Variants in PARP8 observed in about 807,000 individuals in gnomAD.
PARP8 encodes poly(ADP-ribose) polymerase family member 8.
In PARP8, 51 loss-of-function variants were observed where a neutral mutation model predicts 124.1. The ratio of observed to expected loss-of-function variants is 0.41; its 90% confidence interval spans 0.33 to 0.52. PARP8 has a LOEUF of 0.52. PARP8 is among the 20% of genes least tolerant of loss of function. PARP8 has a pLI of 0.21. For missense variants in PARP8, 860 were observed against 1,018.9 expected, an observed-to-expected ratio of 0.84 and a Z score of 2.12; for synonymous variants, 391 against 361.5, an observed-to-expected ratio of 1.08 and a Z score of -0.93.
chr5:50,713,053 A>T (rs565808596), intron 2 of PARP8, among the ~76,000 whole-genome samples: 1 of 152,200 alleles, frequency 6.6e-6, no homozygotes, highest in East Asian at 1.9e-4. Context: ...AAAACCACTC[A>T]TGTCAGATAT....
Position 50,666,990 on chromosome 5 carries a change from G to A in PARP8, c.-106G>A, listed in dbSNP as rs1426638963. On this transcript the variant is annotated 5_prime_UTR_variant, in exon 1 of 26. Coordinates refer to ENST00000281631, the MANE Select transcript of PARP8 (RefSeq NM_024615.4). Reference sequence around the variant, plus strand: ...CCACTTCGCCTTCAGCCCCTGCCTCGGCCAGAGGTTTCATTTTTAACTGAA... The same window carrying A: ...CCACTTCGCCTTCAGCCCCTGCCTCAGCCAGAGGTTTCATTTTTAACTGAA... 3 of 1,428,290 alleles carry A rather than the reference G, an allele frequency of 2.1e-6. No individual in the cohort carries two copies. Among genetic ancestry groups the A allele is most frequent in the Non-Finnish European group, 2.8e-6 (3 of 1,076,464 alleles). 88.5% of individuals were successfully genotyped at this position (1,428,290 alleles called of 1,614,324 possible). A position where few individuals can be genotyped will look rare whatever the true frequency, so the allele number is the denominator to read the frequency against.
At chr5:50,806,182 C>T (rs1328782877) in intron 14 of PARP8, among the ~76,000 whole-genome samples, 1 of 152,002 alleles carries the variant, frequency 6.6e-6, no homozygotes. Flanking sequence ...TTACTATTCT[C>T]ACTTTATGGT....
At chr5:50,836,735 T>G (rs1747628704) in intron 25 of PARP8, among the ~76,000 whole-genome samples, 1 of 152,208 alleles carries the variant, frequency 6.6e-6, no homozygotes. Flanking sequence ...TCTTGGCCAC[T>G]GAAAAGCTTA....
chr5:50,738,901 TG>T, intron 2 of PARP8: 1 of 669,050 alleles, frequency 1.5e-6, no homozygotes, highest in South Asian at 1.5e-5. Flanking sequence ...TTATTGATAA[TG>T]AGACGTAGGC....
At chr5:50,769,929 G>C (rs1761433620) in intron 7 of PARP8, among the ~76,000 whole-genome samples, 2 of 151,874 alleles carry the variant, frequency 1.3e-5, no homozygotes, top group Admixed American at 6.6e-5. Context: ...TATGTTTTTA[G>C]AAAATACATA....
intron 2 of PARP8, among the ~76,000 whole-genome samples, chr5:50,716,662 G>C (rs1755350649): frequency 6.6e-6 from 1 of 152,022 alleles, no homozygotes; most frequent in South Asian, 2.1e-4. Flanking sequence ...TAGTGCAGGA[G>C]CTTAGTCCAA....
intron 2 of PARP8, among the ~76,000 whole-genome samples, chr5:50,721,086 T>G (rs1341723056): frequency 1.3e-5 from 2 of 151,922 alleles, no homozygotes; most frequent in African/African-American, 2.4e-5. Context: ...ATAATTGTTT[T>G]TTTTTTTTTT....
intron 7 of PARP8, among the ~76,000 whole-genome samples, chr5:50,771,310 C>T (rs1580281761): frequency 6.6e-6 from 1 of 152,124 alleles, no homozygotes; most frequent in Admixed American, 6.5e-5. Context: ...CAGGCATTTG[C>T]CACCACGCCT....
At chr5:50,760,762 A>G (rs778887737) in intron 5 of PARP8, among the ~76,000 whole-genome samples, 1 of 152,120 alleles carries the variant, frequency 6.6e-6, no homozygotes, top group Admixed American at 6.5e-5. Context: ...GAGGTTGTAC[A>G]TAGTCTTATT....
chr5:50,690,674 C>T (rs1400593059), intron 2 of PARP8, among the ~76,000 whole-genome samples: 1 of 152,152 alleles, frequency 6.6e-6, no homozygotes, highest in African/African-American at 2.4e-5. Flanking sequence ...AAGATCTATT[C>T]ACCTAGTCCA....
At chr5:50,735,960 C>CA (rs1026938897) in intron 2 of PARP8, among the ~76,000 whole-genome samples, 1 of 149,848 alleles carries the variant, frequency 6.7e-6, no homozygotes, top group Non-Finnish European at 1.5e-5. Context: ...GGGGATTCCC[C>CA]CCCCCCCTTT....
intron 17 of PARP8, 53 bp downstream of exon 17, chr5:50,822,453 C>G: frequency 7.2e-7 from 1 of 1,381,234 alleles, no homozygotes; most frequent in Non-Finnish European, 1.0e-6. Context: ...TCTGAGAGTT[C>G]TAGCTATGTA....
chr5:50,667,881 C>T (rs1402022460), intron 1 of PARP8, 190 bp from the exon 2 acceptor site: 87 of 1,490,680 alleles, frequency 5.8e-5, no homozygotes, highest in Admixed American at 4.0e-4. Flanking sequence ...GGGGCGGCCT[C>T]CCGCTGCACC....
rs576498377 is a variant in PARP8, at chr5:50,782,179, G to C, written c.670+3529G>C. On this transcript the variant is annotated intron_variant, in intron 9 of 25. Coordinates refer to ENST00000281631, the MANE Select transcript of PARP8 (RefSeq NM_024615.4). ...TAGCATCTATCTCTTTCATAGAATG[G>C]AGACTTTTGCATCCATCCTGTAGGG... Among the ~76,000 whole-genome samples the C allele has an allele frequency of 4.6e-5, 7 of 152,276 alleles. No homozygotes were observed. In the South Asian group the frequency reaches 1.5e-3, roughly 32 times the overall value.
rs1247222236 is a variant in PARP8, at chr5:50,704,790, C to T, written c.146+36665C>T. 2.0e-5 allele frequency among the ~76,000 whole-genome samples: 3 copies of T among 152,082 alleles called. No individual in the cohort carries two copies. The East Asian group carries it at 5.8e-4, about 29-fold the overall frequency. On this transcript the variant is annotated intron_variant, in intron 2 of 25. Coordinates refer to ENST00000281631, the MANE Select transcript of PARP8 (RefSeq NM_024615.4). Reference sequence around the variant, plus strand: ...TTTTTAATGTGACGATTTAAAATTGCCAACGTAGCTTGCAATATATTTCTT... The same window carrying T: ...TTTTTAATGTGACGATTTAAAATTGTCAACGTAGCTTGCAATATATTTCTT...
intron 10 of PARP8, among the ~76,000 whole-genome samples, chr5:50,792,690 A>G (rs1742098753): frequency 6.6e-6 from 1 of 152,160 alleles, no homozygotes; most frequent in South Asian, 2.1e-4. Context: ...GTAAAAAAAA[A>G]TTCAAACATG....
intron 2 of PARP8, among the ~76,000 whole-genome samples, chr5:50,690,452 T>C (rs1372664470): frequency 1.3e-5 from 2 of 152,178 alleles, no homozygotes; most frequent in Non-Finnish European, 2.9e-5. Flanking sequence ...CTCTCTCTCT[T>C]CCCTCTTGCT....
intron 21 of PARP8, among the ~76,000 whole-genome samples, chr5:50,828,915 GAA>G (rs1344636469): frequency 1.3e-5 from 2 of 151,888 alleles, no homozygotes; most frequent in East Asian, 3.9e-4. Flanking sequence ...AAAAAGAAAA[GAA>G]AAGAGAGTTT....
intron 9 of PARP8, among the ~76,000 whole-genome samples, chr5:50,787,104 A>T (rs1402146085): frequency 6.6e-6 from 1 of 151,926 alleles, no homozygotes; most frequent in Non-Finnish European, 1.5e-5. Flanking sequence ...TTCATCCTTA[A>T]CTCTTCTTTT....
Sources: allele counts gnomAD v4.1 joint callset (sites outside exome capture counted in the v4.1 genomes callset), GRCh38; gene constraint gnomAD v4.1.1; transcripts MANE v1.5; gene names NCBI Gene and HGNC (gene_info 2026-07-23, HGNC 2026-07-21).